FAM174A: variants seen among roughly 807,000 people sequenced by gnomAD.
FAM174A encodes the protein family with sequence similarity 174 member A.
A neutral mutation model predicts 14.3 loss-of-function variants in FAM174A; 14 were observed. That is an observed-to-expected ratio of 0.98 (90% CI 0.65 to 1.53). The LOEUF is 1.53. FAM174A is among the 40% of genes most tolerant of loss of function. The pLI is 0.00. For synonymous variants in FAM174A, 108 were observed against 111.4 expected (o/e 0.97, Z 0.19); for missense variants, 241 against 249.6 (o/e 0.97, Z 0.23).
chr5:100,556,206 C>T (rs986351657), intron 1 of FAM174A, among the ~76,000 whole-genome samples: 1 of 152,134 alleles, frequency 6.6e-6, no homozygotes, highest in African/African-American at 2.4e-5. Flanking sequence ...GGGATCCTTT[C>T]CCCATTTCTT....
intron 1 of FAM174A, among the ~76,000 whole-genome samples, chr5:100,555,398 T>C (rs1346024243): frequency 6.6e-6 from 1 of 152,184 alleles, no homozygotes; most frequent in Non-Finnish European, 1.5e-5. Context: ...TACGTGTGTG[T>C]GTGTCTTTAT....
At chr5:100,550,498 T>C (rs535786760) in intron 1 of FAM174A, among the ~76,000 whole-genome samples, 1 of 152,280 alleles carries the variant, frequency 6.6e-6, no homozygotes, top group South Asian at 2.1e-4. Flanking sequence ...ACTCAATTAA[T>C]TTGTTTAGCA....
chr5:100,554,023 T>G (rs1213216666), intron 1 of FAM174A, among the ~76,000 whole-genome samples: 3 of 152,168 alleles, frequency 2.0e-5, no homozygotes, highest in Non-Finnish European at 4.4e-5. Flanking sequence ...TTGATATATA[T>G]GACCCGGGAG....
At chr5:100,551,849 T>G (rs1746269293) in intron 1 of FAM174A, among the ~76,000 whole-genome samples, 1 of 152,138 alleles carries the variant, frequency 6.6e-6, no homozygotes, top group East Asian at 1.9e-4. Flanking sequence ...TCTCCAAAAT[T>G]TCCCTGTTTA....
At chr5:100,556,295 G>A (rs1463628802) in intron 1 of FAM174A, among the ~76,000 whole-genome samples, 1 of 152,040 alleles carries the variant, frequency 6.6e-6, no homozygotes, top group African/African-American at 2.4e-5. Context: ...TGTTCCATTG[G>A]TCTATATCTC....
chr5:100,576,261 A>G (rs1298616771), intron 2 of FAM174A, among the ~76,000 whole-genome samples: 2 of 151,930 alleles, frequency 1.3e-5, no homozygotes, highest in Non-Finnish European at 2.9e-5. Flanking sequence ...GTTTTTTTTC[A>G]TGTAACAGAA....
intron 2 of FAM174A, among the ~76,000 whole-genome samples, chr5:100,579,857 CAG>C (rs1479863917): frequency 1.3e-5 from 2 of 152,158 alleles, no homozygotes; most frequent in African/African-American, 4.8e-5. Flanking sequence ...TTTCTCAAAA[CAG>C]AAACTAGCAG....
intron 1 of FAM174A, among the ~76,000 whole-genome samples, chr5:100,543,459 T>C (rs929382273): frequency 1.3e-5 from 2 of 152,224 alleles, no homozygotes; most frequent in Admixed American, 1.3e-4. Context: ...ATGTTGTTAG[T>C]GGCAACTGTA....
At chr5:100,573,529 G>A (rs1746838298) in intron 2 of FAM174A, among the ~76,000 whole-genome samples, 1 of 151,946 alleles carries the variant, frequency 6.6e-6, no homozygotes, top group African/African-American at 2.4e-5. Context: ...GGATGTGAAG[G>A]ACCTCTTCAA....
chr5:100,553,861 G>A (rs1030254659), intron 1 of FAM174A, among the ~76,000 whole-genome samples: 13 of 152,118 alleles, frequency 8.5e-5, no homozygotes, highest in African/African-American at 2.7e-4. Context: ...GTAAGATTAG[G>A]AATCGTTAAA....
chr5:100,561,916 A>T (rs1230233442), intron 1 of FAM174A, 138 bp from the exon 2 acceptor site: 2 of 472,976 alleles, frequency 4.2e-6, no homozygotes, highest in Non-Finnish European at 7.0e-6. Context: ...CTAGGTGGTA[A>T]ATTTGTTGCA....
chr5:100,577,851 C>G (rs1266079058), intron 2 of FAM174A, among the ~76,000 whole-genome samples: 1 of 151,850 alleles, frequency 6.6e-6, no homozygotes, highest in African/African-American at 2.4e-5. Context: ...TAATTTTTTC[C>G]AAAATTTTTC....
At chr5:100,545,778 A>G (rs768999366) in intron 1 of FAM174A, among the ~76,000 whole-genome samples, 2 of 152,198 alleles carry the variant, frequency 1.3e-5, no homozygotes, top group African/African-American at 2.4e-5. Flanking sequence ...ACTGAAATCT[A>G]TAGAACATAA....
chr5:100,563,569 A>G (rs1360647341), intron 2 of FAM174A, among the ~76,000 whole-genome samples: 1 of 151,858 alleles, frequency 6.6e-6, no homozygotes, highest in Non-Finnish European at 1.5e-5. Flanking sequence ...CCCACTTACA[A>G]TAATGAATAG....
At position 100,586,275 on chromosome 5, in the gene FAM174A, TG is replaced by T. The variant is rs3086314; in HGVS notation, c.*98del. 11 of 832,422 alleles carry T rather than the reference TG, an allele frequency of 1.3e-5. No individual in the cohort carries two copies. Among genetic ancestry groups the T allele is most frequent in the African/African-American group, 7.1e-5 (4 of 56,690 alleles). 51.6% of individuals were successfully genotyped at this position (832,422 alleles called of 1,614,324 possible). Reference sequence around the variant, plus strand: ...GAATAAGAAGCCACTATATCAATGTTGGGGGGGTATTTAAGTTACATATATT... The same window carrying T: ...GAATAAGAAGCCACTATATCAATGTTGGGGGGTATTTAAGTTACATATATT... On this transcript the variant is annotated 3_prime_UTR_variant, in exon 3 of 3. Coordinates refer to ENST00000312637, the MANE Select transcript of FAM174A (RefSeq NM_198507.3).
At chr5:100,547,834 ATT>A (rs559528362) in intron 1 of FAM174A, among the ~76,000 whole-genome samples, 1 of 147,484 alleles carries the variant, frequency 6.8e-6, no homozygotes, top group African/African-American at 2.5e-5. Flanking sequence ...ACAAGGAAAT[ATT>A]TTTTTTTTGT....
chr5:100,574,051 A>G (rs1252972277), intron 2 of FAM174A, among the ~76,000 whole-genome samples: 1 of 152,238 alleles, frequency 6.6e-6, no homozygotes, highest in Non-Finnish European at 1.5e-5. Context: ...TACATGGTTA[A>G]GACAGTCATG....
chr5:100,577,694 A>G (rs1233580095), intron 2 of FAM174A, among the ~76,000 whole-genome samples: 5 of 152,136 alleles, frequency 3.3e-5, no homozygotes, highest in Non-Finnish European at 7.4e-5. Flanking sequence ...ATAAGATTGT[A>G]TTAAAGTACT....
At chr5:100,567,064 A>G (rs1487591791) in intron 2 of FAM174A, among the ~76,000 whole-genome samples, 1 of 151,850 alleles carries the variant, frequency 6.6e-6, no homozygotes, top group African/African-American at 2.4e-5. Flanking sequence ...ACCTTCCTTA[A>G]TTACCATCTT....
Sources: allele counts gnomAD v4.1 joint callset (sites outside exome capture counted in the v4.1 genomes callset), GRCh38; gene constraint gnomAD v4.1.1; transcripts MANE v1.5; gene names NCBI Gene and HGNC (gene_info 2026-07-23, HGNC 2026-07-21).